CLEC16A: variants seen among roughly 807,000 people sequenced by gnomAD.
CLEC16A encodes the protein C-type lectin domain containing 16A.
CLEC16A carries 51 observed loss-of-function variants against 109.5 expected under a neutral mutation model. The ratio of observed to expected loss-of-function variants is 0.47; its 90% CI spans 0.37 to 0.59. The LOEUF (loss-of-function observed/expected upper bound fraction) is 0.59, where lower values mean the gene tolerates loss of function less well. Among genes scored for constraint, CLEC16A ranks in the 20% least tolerant of loss-of-function variants. CLEC16A has a pLI of 0.00. For missense variants in CLEC16A, 1,339 were observed against 1,394.0 expected (o/e 0.96, Z 0.63); for synonymous variants, 673 against 564.2 (o/e 1.19, Z -2.73).
chr16:11,082,580 G>A (rs562613830), intron 19 of CLEC16A, among the ~76,000 whole-genome samples: 4 of 152,266 alleles, frequency 2.6e-5, no homozygotes, highest in Admixed American at 6.5e-5. Flanking sequence ...AAAGGCAGCC[G>A]GAGCGGCTGT....
chr16:11,091,352 T>C (rs965430919), intron 19 of CLEC16A, among the ~76,000 whole-genome samples: 1 of 152,248 alleles, frequency 6.6e-6, no homozygotes, highest in Admixed American at 6.5e-5. Flanking sequence ...CCTTACTTTG[T>C]GGTGGATGCC....
At chr16:11,158,088 A>C (rs1029721426) in intron 22 of CLEC16A, among the ~76,000 whole-genome samples, 31 of 152,198 alleles carry the variant, frequency 2.0e-4, no homozygotes, top group Admixed American at 7.2e-4. Context: ...CTGGGAGGTG[A>C]AAGGGCAGAT....
At chr16:10,948,087 G>A (rs899465846) in intron 1 of CLEC16A, among the ~76,000 whole-genome samples, 26 of 152,180 alleles carry the variant, frequency 1.7e-4, no homozygotes, top group Admixed American at 2.6e-4. Flanking sequence ...TAGAGACGGG[G>A]TTTCACCGTG....
chr16:11,076,680 C>CCAGT (rs2049393586), intron 19 of CLEC16A, among the ~76,000 whole-genome samples: 3 of 152,200 alleles, frequency 2.0e-5, no homozygotes, highest in Admixed American at 1.3e-4. Flanking sequence ...AATCTCTGAA[C>CCAGT]CAGTGACAGA....
intron 20 of CLEC16A, among the ~76,000 whole-genome samples, chr16:11,123,313 A>G (rs1288293441): frequency 6.6e-6 from 1 of 152,220 alleles, no homozygotes; most frequent in Non-Finnish European, 1.5e-5. Context: ...GAAGAAATTG[A>G]TGAGTAGATG....
intron 7 of CLEC16A, among the ~76,000 whole-genome samples, chr16:10,974,640 C>G (rs999824277): frequency 6.6e-6 from 1 of 152,246 alleles, no homozygotes; most frequent in Admixed American, 6.5e-5. Flanking sequence ...AGGGTGACAG[C>G]TTTGCCCAGG....
intron 23 of CLEC16A, among the ~76,000 whole-genome samples, chr16:11,170,687 C>G (rs934487043): frequency 1.3e-5 from 2 of 152,184 alleles, no homozygotes; most frequent in Non-Finnish European, 2.9e-5. Context: ...ACCCCACTCC[C>G]TGTCTCAGTG....
chr16:10,969,153 C>T lies in CLEC16A; in HGVS notation c.344-8C>T, dbSNP rs770943704. ...GAGTTAACCTGTTTTGTTTTTTTCTCCCTCTAGATTATTTGCTCTCAAATA... is the reference window on the plus strand; with the variant it reads ...GAGTTAACCTGTTTTGTTTTTTTCTTCCTCTAGATTATTTGCTCTCAAATA... On this transcript the variant is annotated splice_polypyrimidine_tract_variant and splice_region_variant and intron_variant, in intron 3 of 23. Coordinates refer to ENST00000409790, the MANE Select transcript of CLEC16A (RefSeq NM_015226.3). 2.5e-6 allele frequency: 4 copies of T among 1,600,710 alleles called. No individual in the cohort carries two copies. Among genetic ancestry groups the T allele is most frequent in the South Asian group, 2.2e-5 (2 of 89,446 alleles).
intron 22 of CLEC16A, among the ~76,000 whole-genome samples, chr16:11,132,960 C>G (rs2053318965): frequency 6.6e-6 from 1 of 152,162 alleles, no homozygotes; most frequent in Non-Finnish European, 1.5e-5. Flanking sequence ...TTATTCAGGT[C>G]TGGTACCCTG....
intron 23 of CLEC16A, among the ~76,000 whole-genome samples, chr16:11,175,907 G>A (rs2068729794): frequency 6.6e-6 from 1 of 152,246 alleles, no homozygotes; most frequent in Admixed American, 6.5e-5. Context: ...TGAGCAAAGA[G>A]AGAAAACACT....
chr16:10,991,423 CAAAA>C (rs756161193), intron 10 of CLEC16A, among the ~76,000 whole-genome samples: 3 of 63,338 alleles, frequency 4.7e-5, no homozygotes, highest in African/African-American at 8.9e-5. Flanking sequence ...GACTCCGTCT[CAAAA>C]AAAAAAAAAA....
intron 20 of CLEC16A, among the ~76,000 whole-genome samples, chr16:11,123,141 TTCC>T (rs1490313148): frequency 1.3e-5 from 2 of 152,076 alleles, no homozygotes; most frequent in Admixed American, 6.6e-5. Context: ...TGACCTCGTG[TTCC>T]ACCCACTTCG....
At chr16:11,056,592 T>C (rs1044540339) in intron 18 of CLEC16A, 4 of 152,228 alleles carry the variant, frequency 2.6e-5, no homozygotes, top group Non-Finnish European at 5.9e-5. Flanking sequence ...GAGGTTTTAT[T>C]TGTCCCCACA....
chr16:11,087,690 A>T (rs1003697379), intron 19 of CLEC16A, among the ~76,000 whole-genome samples: 1 of 152,222 alleles, frequency 6.6e-6, no homozygotes, highest in Non-Finnish European at 1.5e-5. Context: ...ATCAGATATG[A>T]ATTATTTCTC....
chr16:11,049,934 G>C (rs2047847423), intron 17 of CLEC16A, among the ~76,000 whole-genome samples: 1 of 152,242 alleles, frequency 6.6e-6, no homozygotes. Context: ...GTGTCCAAAA[G>C]AAGAAGGCAA....
chr16:10,988,295 A>G (rs1048203288), intron 10 of CLEC16A, among the ~76,000 whole-genome samples: 2 of 152,004 alleles, frequency 1.3e-5, no homozygotes, highest in Non-Finnish European at 2.9e-5. Flanking sequence ...TTATTCATCT[A>G]TTCATCCATT....
At chr16:11,090,407 A>G (rs998630602) in intron 19 of CLEC16A, among the ~76,000 whole-genome samples, 2 of 152,148 alleles carry the variant, frequency 1.3e-5, no homozygotes, top group African/African-American at 4.8e-5. Flanking sequence ...TTGTCAGGAA[A>G]GGGACCATGG....
intron 15 of CLEC16A, 104 bp downstream of exon 15, chr16:11,042,467 A>T: frequency 1.2e-6 from 1 of 818,180 alleles, no homozygotes. Context: ...CCGTGGTGTC[A>T]TCGGTCACCA....
intron 13 of CLEC16A, among the ~76,000 whole-genome samples, chr16:11,038,550 G>A (rs1178480760): frequency 6.6e-6 from 1 of 152,106 alleles, no homozygotes; most frequent in Non-Finnish European, 1.5e-5. Context: ...TGCTTCTTTA[G>A]GAGAAATGAC....
Sources: allele counts gnomAD v4.1 joint callset (sites outside exome capture counted in the v4.1 genomes callset), GRCh38; gene constraint gnomAD v4.1.1; transcripts MANE v1.5; gene names NCBI Gene and HGNC (gene_info 2026-07-23, HGNC 2026-07-21).